The following PIP5K1C variants were observed in gnomAD, a reference collection of about 807,000 sequenced individuals.
PIP5K1C encodes the protein phosphatidylinositol-4-phosphate 5-kinase type 1 gamma.
Under a neutral mutation model 80.1 loss-of-function variants are expected in PIP5K1C, and 45 were observed. The observed-to-expected ratio is 0.56, with a 90% confidence interval of 0.44 to 0.72. The LOEUF (loss-of-function observed/expected upper bound fraction) is 0.72, where lower values mean the gene tolerates loss of function less well. PIP5K1C is among the 30% of genes least tolerant of loss of function. The probability of loss-of-function intolerance (pLI) is 0.00; values close to 1 mark genes in which losing one functional copy is unlikely to be tolerated. For missense variants in PIP5K1C, 753 were observed against 954.6 expected, an observed-to-expected ratio of 0.79 and a Z score of 2.78; for synonymous variants, 498 against 420.1, an observed-to-expected ratio of 1.19 and a Z score of -2.27.
chr19:3,696,373 G>A lies in PIP5K1C; in HGVS notation c.94+3924C>T, dbSNP rs542795071. On this transcript the variant is annotated intron_variant, in intron 1 of 17. Transcript: ENST00000335312. This position sits in a 1 kb window ranked among gnomAD's most constrained non-coding sequence, Gnocchi z 4.1. ...CGGTCTTGGCCCTCGTGGAGCTCTCGCTCAGGAGGAGATGGTCAGAAAACA... is the reference window on the plus strand; with the variant it reads ...CGGTCTTGGCCCTCGTGGAGCTCTCACTCAGGAGGAGATGGTCAGAAAACA... Among the ~76,000 whole-genome samples the A allele has an allele frequency of 7.0e-4, 107 of 152,344 alleles. No homozygotes were observed. The highest frequency in any genetic ancestry group is 2.4e-3 in the African/African-American group (101 of 41,578).
At chr19:3,643,403 C>T (rs1283129064) in intron 12 of PIP5K1C, 22 bp from the exon 13 acceptor site, 1 of 1,612,504 alleles carries the variant, frequency 6.2e-7, no homozygotes, top group Non-Finnish European at 8.5e-7. Flanking sequence ...GGACTGTGGG[C>T]ACCTTGCGGA....
At position 3,656,862 on chromosome 19, in the gene PIP5K1C, G is replaced by A. The variant is rs568182728; in HGVS notation, c.469-305C>T. Among the ~76,000 whole-genome samples, 5 of 152,340 alleles carry A rather than the reference G, an allele frequency of 3.3e-5. No homozygotes were observed. In the East Asian group the frequency reaches 9.7e-4, roughly 29 times the overall value. ...GGGGTGCTGACGCGCGTGGCTAAAAGGTGCTCCCAGCACCCCTGAAGCTGG... is the reference window on the plus strand; with the variant it reads ...GGGGTGCTGACGCGCGTGGCTAAAAAGTGCTCCCAGCACCCCTGAAGCTGG... On this transcript the variant is annotated intron_variant, in intron 5 of 17. Transcript: ENST00000335312.
chr19:3,663,278 G>A (rs1009896292), intron 3 of PIP5K1C, among the ~76,000 whole-genome samples: 4 of 152,302 alleles, frequency 2.6e-5, no homozygotes, highest in South Asian at 2.1e-4. Context: ...CTCTAATTCC[G>A]GTCTCCAGTG....
chr19:3,651,553 T>G lies in PIP5K1C; in HGVS notation c.1127+273A>C, dbSNP rs10408363. Reference sequence around the variant, plus strand: ...AAACGCTATCTCTCTCTCATTCCTGTGGATGGCCAGTGGCCTCGGCCCAGT... The same window carrying G: ...AAACGCTATCTCTCTCTCATTCCTGGGGATGGCCAGTGGCCTCGGCCCAGT... On this transcript the variant is annotated intron_variant, in intron 8 of 17. Transcript: ENST00000335312. 0.098 allele frequency among the ~76,000 whole-genome samples: 14,942 copies of G among 152,172 alleles called. 2,459 individuals are homozygous for G. The highest frequency in any genetic ancestry group is 0.34 in the African/African-American group (14,193 of 41,472).
intron 1 of PIP5K1C, among the ~76,000 whole-genome samples, chr19:3,694,296 G>T (rs1343448581): frequency 1.3e-5 from 2 of 151,570 alleles, no homozygotes; most frequent in African/African-American, 4.8e-5. Flanking sequence ...GGCAGGCTCA[G>T]CCCACACCAG....
intron 1 of PIP5K1C, among the ~76,000 whole-genome samples, chr19:3,699,424 C>A (rs1434840686): frequency 6.6e-6 from 1 of 152,168 alleles, no homozygotes; most frequent in African/African-American, 2.4e-5. Flanking sequence ...CGCCCGCCCG[C>A]TTGCCCGCCT....
At position 3,692,734 on chromosome 19, in the gene PIP5K1C, C is replaced by G. The variant is rs866522764; in HGVS notation, c.94+7563G>C. Among the ~76,000 whole-genome samples, 3 of 152,058 alleles carry G rather than the reference C, an allele frequency of 2.0e-5. No homozygotes were observed. The highest frequency in any genetic ancestry group is 4.1e-4 in the South Asian group (2 of 4,830). On this transcript the variant is annotated intron_variant, in intron 1 of 17. Transcript: ENST00000335312. The surrounding 1 kb of genome is among the most constrained non-coding windows in gnomAD (Gnocchi z 5.2). ...GAGTCTCGCCCATCCCTCCTCTGCC[C>G]GCAGCCCTCCATGGCTCCCACCTCC...
At chr19:3,693,571 C>A (rs947828082) in intron 1 of PIP5K1C, among the ~76,000 whole-genome samples, 1 of 152,134 alleles carries the variant, frequency 6.6e-6, no homozygotes, top group African/African-American at 2.4e-5. Flanking sequence ...CGGGGCCAGG[C>A]GGCAGGCGGC....
intron 1 of PIP5K1C, among the ~76,000 whole-genome samples, chr19:3,691,033 G>A (rs1236339478): frequency 6.6e-6 from 1 of 152,208 alleles, no homozygotes; most frequent in Non-Finnish European, 1.5e-5. Context: ...GGAGTGGGAG[G>A]GAGCTCCTGT....
intron 7 of PIP5K1C, among the ~76,000 whole-genome samples, chr19:3,652,475 C>T (rs558305862): frequency 1.3e-5 from 2 of 152,138 alleles, no homozygotes; most frequent in Non-Finnish European, 1.5e-5. Flanking sequence ...GGGTCAAGTT[C>T]TCAAAGGGGT....
intron 7 of PIP5K1C, 75 bp from the exon 8 acceptor site, chr19:3,652,106 G>T (rs2034474068): frequency 9.6e-6 from 14 of 1,458,004 alleles, no homozygotes. Flanking sequence ...GACCCTATGG[G>T]GTTCCCAGCA....
At chr19:3,685,350 T>C (rs2035724319) in intron 1 of PIP5K1C, among the ~76,000 whole-genome samples, 1 of 152,204 alleles carries the variant, frequency 6.6e-6, no homozygotes, top group Non-Finnish European at 1.5e-5. Flanking sequence ...TCTCGCTGAT[T>C]ATATGGAACT....
chr19:3,694,539 C>A (rs537500912), intron 1 of PIP5K1C, among the ~76,000 whole-genome samples: 101 of 152,384 alleles, frequency 6.6e-4, no homozygotes, highest in African/African-American at 2.4e-3. Flanking sequence ...CTGCCCCAAC[C>A]CCACAGAGCA....
At chr19:3,678,293 G>A (rs200597477) in intron 1 of PIP5K1C, among the ~76,000 whole-genome samples, 1 of 138,996 alleles carries the variant, frequency 7.2e-6, no homozygotes, top group Non-Finnish European at 1.6e-5. Context: ...TGGAGGGATG[G>A]AGGGATGGAG....
intron 16 of PIP5K1C, among the ~76,000 whole-genome samples, chr19:3,635,751 G>A (rs549210981): frequency 2.0e-5 from 3 of 152,108 alleles, no homozygotes; most frequent in East Asian, 1.9e-4. Context: ...AGGCTGAGGC[G>A]GGCAGATCAC....
intron 12 of PIP5K1C, 125 bp downstream of exon 12, chr19:3,643,962 G>A (rs1020277909): frequency 1.4e-5 from 16 of 1,154,864 alleles, no homozygotes; most frequent in Admixed American, 1.0e-4. Flanking sequence ...TGGGCAGGCG[G>A]CCCTGCAGAT....
chr19:3,641,280 A>C (rs1395995319), intron 15 of PIP5K1C, among the ~76,000 whole-genome samples: 1 of 152,194 alleles, frequency 6.6e-6, no homozygotes, highest in Non-Finnish European at 1.5e-5. Flanking sequence ...AAAGGTTAAA[A>C]AAAAATTAGT....
rs375768059 is a variant in PIP5K1C, at chr19:3,667,422, C to T, written c.95-69G>A. ...CTCTGGGAGTCCTGGGCCCAGCCCC[C>T]GGCCCACCTTCTGGCGCCCCAGGCC... On this transcript the variant is annotated intron_variant, in intron 1 of 17. Transcript: ENST00000335312. 1.2e-3 allele frequency: 1,853 copies of T among 1,579,672 alleles called. 4 individuals are homozygous for T. The highest frequency in any genetic ancestry group is 1.5e-3 in the Non-Finnish European group (1,674 of 1,150,586).
chr19:3,675,018 C>A (rs2035315798), intron 1 of PIP5K1C, among the ~76,000 whole-genome samples: 1 of 152,082 alleles, frequency 6.6e-6, no homozygotes, highest in Non-Finnish European at 1.5e-5. Context: ...GTGTGTGACC[C>A]CATTTCTATG....
Sources: gnomAD v4.1 joint callset for allele counts (sites outside exome capture counted in the v4.1 genomes callset) on GRCh38, gnomAD v4.1.1 for gene constraint, Gnocchi (gnomAD v3.1) non-coding constraint, MANE v1.5 for transcripts, NCBI Gene and HGNC (gene_info 2026-07-23, HGNC 2026-07-21) for gene names.